Variants in CADM2 observed in about 807,000 individuals in gnomAD.
CADM2 encodes the protein cell adhesion molecule 2.
CADM2 carries 12 observed loss-of-function variants against 49.8 expected under a neutral mutation model. The ratio of observed to expected loss-of-function variants is 0.24; its 90% CI spans 0.15 to 0.39. CADM2 has a LOEUF of 0.39. CADM2 is among the 10% of genes least tolerant of loss of function. The pLI, the probability that CADM2 is intolerant of heterozygous loss-of-function variation, is 1.00. For synonymous variants in CADM2, 214 were observed against 175.4 expected, an observed-to-expected ratio of 1.22 and a Z score of -1.74; for missense variants, 378 against 492.3, an observed-to-expected ratio of 0.77 and a Z score of 2.20.
intron 1 of CADM2, among the ~76,000 whole-genome samples, chr3:85,365,198 A>ATTTTTTTTTTTTT (rs1491587351): frequency 2.1e-5 from 1 of 48,650 alleles, no homozygotes; most frequent in Non-Finnish European, 4.6e-5. Flanking sequence ...TTTTTTTTTT[A>ATTTTTTTTTTTTT]CTTTTTTTTT....
chr3:85,223,004 C>T (rs1005516710), intron 1 of CADM2, among the ~76,000 whole-genome samples: 4 of 152,062 alleles, frequency 2.6e-5, no homozygotes, highest in Non-Finnish European at 5.9e-5. Context: ...TTCTCTTGAG[C>T]GGTCATTATG....
At chr3:85,081,859 A>G (rs1023810098) in intron 1 of CADM2, among the ~76,000 whole-genome samples, 2 of 152,220 alleles carry the variant, frequency 1.3e-5, no homozygotes, top group Admixed American at 6.6e-5. Context: ...ATATTTCAGA[A>G]AATAAGACAA....
chr3:85,413,167 T>TA (rs1559827304), intron 1 of CADM2, among the ~76,000 whole-genome samples: 5 of 85,300 alleles, frequency 5.9e-5, no homozygotes, highest in African/African-American at 2.3e-4. Context: ...AAAAAAATAA[T>TA]AATAATAATA....
intron 5 of CADM2, among the ~76,000 whole-genome samples, chr3:85,900,630 C>T (rs969617932): frequency 1.3e-5 from 2 of 152,042 alleles, no homozygotes; most frequent in South Asian, 2.1e-4. Context: ...TGTTAATCAA[C>T]GTATTTAATT....
rs1364494366 is a variant in CADM2 at position 85,817,756 on chromosome 3, T to G, written c.238+15560T>G. 2.0e-5 allele frequency among the ~76,000 whole-genome samples: 3 copies of G among 152,058 alleles called. No individual in the cohort carries two copies. In the East Asian group the frequency reaches 5.8e-4, roughly 29 times the overall value. ...AACCTTCTTGAAGTGGAGCTTGCAG[T>G]GAGCCGAGACTGCACCACTGCACTC... On this transcript the variant is annotated intron_variant, in intron 3 of 9. Coordinates refer to ENST00000383699, the MANE Select transcript of CADM2 (RefSeq NM_001167675.2).
intron 1 of CADM2, among the ~76,000 whole-genome samples, chr3:85,135,557 A>G (rs2039392292): frequency 6.6e-6 from 1 of 152,106 alleles, no homozygotes; most frequent in Non-Finnish European, 1.5e-5. Context: ...GAAATTACAG[A>G]AATCAGAATA....
At chr3:85,797,112 A>G (rs548776320) in intron 2 of CADM2, among the ~76,000 whole-genome samples, 1 of 146,326 alleles carries the variant, frequency 6.8e-6, no homozygotes, top group Non-Finnish European at 1.5e-5. Context: ...AAAGAAAAAG[A>G]AAAAAAAAAA....
At chr3:85,669,604 G>A (rs2065675930) in intron 1 of CADM2, among the ~76,000 whole-genome samples, 1 of 152,068 alleles carries the variant, frequency 6.6e-6, no homozygotes, top group African/African-American at 2.4e-5. Flanking sequence ...GTCTTTTAGA[G>A]CACTTTCAAA....
At chr3:85,464,216 A>T (rs1415748660) in intron 1 of CADM2, among the ~76,000 whole-genome samples, 1 of 152,138 alleles carries the variant, frequency 6.6e-6, no homozygotes, top group East Asian at 1.9e-4. Flanking sequence ...TAAAATATAG[A>T]TGGACTCGAA....
chr3:85,045,884 AT>A (rs1280106090), intron 1 of CADM2, among the ~76,000 whole-genome samples: 1 of 152,014 alleles, frequency 6.6e-6, no homozygotes, highest in Admixed American at 6.6e-5. Flanking sequence ...TCTCTTTTAT[AT>A]TTTTCATATT....
intron 1 of CADM2, among the ~76,000 whole-genome samples, chr3:85,377,862 G>C (rs1043433873): frequency 5.9e-5 from 9 of 151,914 alleles, no homozygotes; most frequent in African/African-American, 1.9e-4. Flanking sequence ...GGAGCGATGC[G>C]AATTACCATC....
chr3:85,201,585 G>A (rs749254415), intron 1 of CADM2, among the ~76,000 whole-genome samples: 3 of 152,274 alleles, frequency 2.0e-5, no homozygotes, highest in Non-Finnish European at 4.4e-5. Flanking sequence ...TTTCTTTGCA[G>A]TATGTGATGA....
chr3:85,095,151 T>G (rs1438303308), intron 1 of CADM2, among the ~76,000 whole-genome samples: 1 of 152,198 alleles, frequency 6.6e-6, no homozygotes, highest in Admixed American at 6.5e-5. Flanking sequence ...TTCAAACGTT[T>G]TAATTTATAA....
intron 1 of CADM2, among the ~76,000 whole-genome samples, chr3:85,409,556 A>G (rs190724975): frequency 1.3e-4 from 20 of 152,232 alleles, no homozygotes; most frequent in African/African-American, 1.7e-4. Context: ...GCCACAGATA[A>G]TGAATCACCA....
At chr3:85,387,546 G>A (rs578216054) in intron 1 of CADM2, among the ~76,000 whole-genome samples, 7 of 152,062 alleles carry the variant, frequency 4.6e-5, no homozygotes, top group African/African-American at 1.7e-4. Flanking sequence ...ACAACAGAGT[G>A]GATAAAACAC....
chr3:85,003,466 T>C (rs577661035), intron 1 of CADM2, among the ~76,000 whole-genome samples: 4 of 152,174 alleles, frequency 2.6e-5, no homozygotes, highest in Non-Finnish European at 5.9e-5. Flanking sequence ...AAATAGAAAA[T>C]TTACCATATT....
chr3:85,483,502 T>G (rs1000205604), intron 1 of CADM2, among the ~76,000 whole-genome samples: 7 of 151,096 alleles, frequency 4.6e-5, no homozygotes, highest in Admixed American at 4.6e-4. Context: ...ATTGACTTAA[T>G]TATATTTAAC....
intron 1 of CADM2, among the ~76,000 whole-genome samples, chr3:85,717,799 C>A (rs2067350292): frequency 6.6e-6 from 1 of 152,090 alleles, no homozygotes; most frequent in African/African-American, 2.4e-5. Context: ...CAGAGTTGTA[C>A]TCTTGTCGCC....
intron 2 of CADM2, among the ~76,000 whole-genome samples, chr3:85,791,521 G>GGA (rs373247946): frequency 0.19 from 24,812 of 130,776 alleles, 2,479 homozygotes; most frequent in East Asian, 0.33. Context: ...GGGTGGGGAG[G>GGA]GAGAGAGAGA....
Sources: allele counts gnomAD v4.1 joint callset (sites outside exome capture counted in the v4.1 genomes callset), GRCh38; gene constraint gnomAD v4.1.1; transcripts MANE v1.5; gene names NCBI Gene and HGNC (gene_info 2026-07-23, HGNC 2026-07-21).